The following FSIP1 variants were observed in gnomAD, a reference collection of about 807,000 sequenced individuals.
The protein encoded by FSIP1 is fibrous sheath-interacting protein 1.
Under a neutral mutation model 60.9 loss-of-function variants are expected in FSIP1, and 65 were observed. The observed-to-expected ratio is 1.07, with a 90% CI of 0.87 to 1.31. The LOEUF is 1.31. FSIP1 is among the 40% of genes most tolerant of loss of function. FSIP1 has a pLI of 0.00. For missense variants in FSIP1, 675 were observed against 665.5 expected (o/e 1.01, Z -0.16); for synonymous variants, 209 against 221.2 (o/e 0.94, Z 0.49).
intron 2 of FSIP1, among the ~76,000 whole-genome samples, chr15:39,772,054 A>G (rs1369425820): frequency 2.0e-5 from 3 of 152,228 alleles, no homozygotes; most frequent in Non-Finnish European, 4.4e-5. Context: ...CACATCCATC[A>G]TCTCATATGA....
intron 10 of FSIP1, among the ~76,000 whole-genome samples, chr15:39,640,873 C>A (rs1179635917): frequency 6.6e-6 from 1 of 152,186 alleles, no homozygotes; most frequent in African/African-American, 2.4e-5. Context: ...TGGCCTCTGG[C>A]CACTGGGATT....
chr15:39,709,103 G>A (rs1333260379), intron 10 of FSIP1, among the ~76,000 whole-genome samples: 1 of 152,146 alleles, frequency 6.6e-6, no homozygotes, highest in East Asian at 1.9e-4. Context: ...TACTTTTCCA[G>A]CATTTACTGA....
intron 9 of FSIP1, 107 bp from the exon 10 acceptor site, chr15:39,713,688 T>G: frequency 9.9e-7 from 1 of 1,010,952 alleles, no homozygotes; most frequent in Admixed American, 2.5e-5. Flanking sequence ...TCTCAAACAA[T>G]TATTTCTTCC....
intron 10 of FSIP1, among the ~76,000 whole-genome samples, chr15:39,657,033 A>AT (rs1386630883): frequency 4.6e-5 from 7 of 152,242 alleles, no homozygotes; most frequent in African/African-American, 1.7e-4. Flanking sequence ...CAGCTAAAAC[A>AT]GCACCTTCTT....
intron 11 of FSIP1, among the ~76,000 whole-genome samples, chr15:39,611,030 CA>C (rs1351394070): frequency 6.6e-6 from 1 of 151,998 alleles, no homozygotes; most frequent in Non-Finnish European, 1.5e-5. Flanking sequence ...CTTATAAAAG[CA>C]AAAAGCACTA....
At position 39,615,244 on chromosome 15, in the gene FSIP1, GC is replaced by G. The variant is rs368495364; in HGVS notation, c.1699+2490del. ...TTTTAATACGACCTTGAAGGCACAGGCAAAAATAGACAAATGTGATTATATC... is the reference window on the plus strand; with the variant it reads ...TTTTAATACGACCTTGAAGGCACAGGAAAAATAGACAAATGTGATTATATC... On this transcript the variant is annotated intron_variant, in intron 11 of 11. Coordinates refer to ENST00000350221, the MANE Select transcript of FSIP1 (RefSeq NM_152597.5). Among the ~76,000 whole-genome samples, 415 of 151,764 alleles carry G rather than the reference GC, an allele frequency of 2.7e-3. 2 individuals are homozygous for G. The highest frequency in any genetic ancestry group is 9.4e-3 in the African/African-American group (388 of 41,418).
At chr15:39,652,875 AT>A (rs1003743877) in intron 10 of FSIP1, among the ~76,000 whole-genome samples, 4 of 152,038 alleles carry the variant, frequency 2.6e-5, no homozygotes, top group Admixed American at 6.6e-5. Context: ...AGTTAAAAAT[AT>A]TTTTTTAACG....
intron 8 of FSIP1, among the ~76,000 whole-genome samples, chr15:39,727,415 A>T (rs1896240753): frequency 6.6e-6 from 1 of 152,234 alleles, no homozygotes; most frequent in Non-Finnish European, 1.5e-5. Flanking sequence ...TGGGAACCAG[A>T]GAGGATCAAC....
intron 10 of FSIP1, among the ~76,000 whole-genome samples, chr15:39,633,091 C>CGTTTTTTTTT (rs1329095029): frequency 2.7e-5 from 3 of 112,888 alleles, no homozygotes; most frequent in African/African-American, 1.1e-4. Flanking sequence ...GGCTATACTT[C>CGTTTTTTTTT]TTTTTTTTTT....
rs1255090252 is a variant in FSIP1, at chr15:39,685,493, C to T, written c.1188+27951G>A. Reference sequence around the variant, plus strand: ...CAAAGGAAACCTCAAAGATGTCTTGCACTGAGAAAACAAAACATACAACAC... The same window carrying T: ...CAAAGGAAACCTCAAAGATGTCTTGTACTGAGAAAACAAAACATACAACAC... On this transcript the variant is annotated intron_variant, in intron 10 of 11. Transcript: ENST00000350221. Among the ~76,000 whole-genome samples the T allele has an allele frequency of 7.2e-5, 11 of 152,240 alleles. No individual in the cohort carries two copies. In the East Asian group the frequency reaches 1.9e-3, roughly 27 times the overall value.
chr15:39,776,628 T>C, intron 1 of FSIP1, 97 bp from the exon 2 acceptor site: 1 of 1,123,704 alleles, frequency 8.9e-7, no homozygotes. Flanking sequence ...GGCTTTGTTT[T>C]AAAGATTATG....
At chr15:39,724,986 A>C (rs1896133242) in intron 9 of FSIP1, among the ~76,000 whole-genome samples, 1 of 152,164 alleles carries the variant, frequency 6.6e-6, no homozygotes, top group Admixed American at 6.5e-5. Flanking sequence ...TAATCCCAGC[A>C]CTTTGGGAGG....
Position 39,611,515 on chromosome 15 carries a change from A to G in FSIP1, c.1699+6220T>C, listed in dbSNP as rs191127545. 1.4e-3 allele frequency among the ~76,000 whole-genome samples: 213 copies of G among 152,322 alleles called. 1 individual carries two copies. Among genetic ancestry groups the G allele is most frequent in the African/African-American group, 4.9e-3 (205 of 41,568 alleles). On this transcript the variant is annotated intron_variant, in intron 11 of 11. Coordinates refer to ENST00000350221, the MANE Select transcript of FSIP1 (RefSeq NM_152597.5). ...AATAAAAACCTGTAATAGTTGCACA[A>G]AATATAAAAGGAAAAGATTCAAAGC...
At chr15:39,659,271 C>A (rs7167100) in intron 10 of FSIP1, among the ~76,000 whole-genome samples, 8 of 151,978 alleles carry the variant, frequency 5.3e-5, no homozygotes, top group Middle Eastern at 3.2e-3. Context: ...GGCTGGACGC[C>A]GTGGCTCACA....
At chr15:39,777,516 T>C (rs941290150) in intron 1 of FSIP1, among the ~76,000 whole-genome samples, 1 of 152,240 alleles carries the variant, frequency 6.6e-6, no homozygotes, top group South Asian at 2.1e-4. Context: ...CCACCCTGGC[T>C]GCTCTATAAC....
chr15:39,637,107 C>T (rs1349358054), intron 10 of FSIP1, among the ~76,000 whole-genome samples: 3 of 152,150 alleles, frequency 2.0e-5, no homozygotes, highest in African/African-American at 7.2e-5. Flanking sequence ...TATGGGGTGT[C>T]AGTCTTATCC....
chr15:39,604,725 T>G (rs1203265259), intron 11 of FSIP1, among the ~76,000 whole-genome samples: 1 of 152,170 alleles, frequency 6.6e-6, no homozygotes, highest in Non-Finnish European at 1.5e-5. Flanking sequence ...CGTGTAGCCT[T>G]GGAAAAGTAA....
intron 10 of FSIP1, among the ~76,000 whole-genome samples, chr15:39,676,225 T>C (rs1893935814): frequency 6.9e-6 from 1 of 144,576 alleles, no homozygotes; most frequent in African/African-American, 2.6e-5. Context: ...TCATAAAGAG[T>C]CTTGAGAAAC....
At chr15:39,699,148 AT>A (rs1894951590) in intron 10 of FSIP1, among the ~76,000 whole-genome samples, 1 of 152,200 alleles carries the variant, frequency 6.6e-6, no homozygotes, top group African/African-American at 2.4e-5. Flanking sequence ...TTCTGCTTTT[AT>A]CTGACTGGCC....
Sources: gnomAD v4.1 joint callset for allele counts (sites outside exome capture counted in the v4.1 genomes callset) on GRCh38, gnomAD v4.1.1 for gene constraint, MANE v1.5 for transcripts, NCBI Gene and HGNC (gene_info 2026-07-23, HGNC 2026-07-21) for gene names.